CMC2: variants seen among roughly 807,000 people sequenced by gnomAD.
The protein encoded by CMC2 is C-X9-C motif containing 2, also known as COX assembly mitochondrial protein 2 homolog.
In CMC2, 5 loss-of-function variants were observed where a neutral mutation model predicts 7.5. That is an observed-to-expected ratio of 0.66 (90% CI 0.35 to 1.40). The LOEUF (loss-of-function observed/expected upper bound fraction) is 1.40, where lower values mean the gene tolerates loss of function less well. Ranked by LOEUF, CMC2 falls within the 40% of genes most tolerant of loss-of-function variation. The pLI, the probability that CMC2 is intolerant of heterozygous loss-of-function variation, is 0.04. For missense variants in CMC2, 115 were observed against 92.3 expected (o/e 1.25, Z -1.01); for synonymous variants, 37 against 31.4 (o/e 1.18, Z -0.60).
intron 2 of CMC2, among the ~76,000 whole-genome samples, chr16:80,987,344 C>T (rs762327142): frequency 5.9e-5 from 9 of 152,060 alleles, no homozygotes; most frequent in Non-Finnish European, 1.3e-4. Context: ...TGGAAAAACC[C>T]AGTACTTAGT....
In CMC2 at chr16:80,967,354, T is replaced by G. The variant is rs1911624423; in HGVS notation, c.*8739A>C. On this transcript the variant is annotated 3_prime_UTR_variant, in exon 4 of 4. Coordinates refer to ENST00000219400, the MANE Select transcript of CMC2 (RefSeq NM_020188.5). ...CGTTTTTTGTTTTGTTTTGTTTTGT[T>G]TTTTGAGACGGAGCTCGCCGTGTCG... The G allele has an allele frequency of 6.5e-6, 1 of 153,502 alleles. No homozygotes were observed. The highest frequency in any genetic ancestry group is 6.5e-5 in the Admixed American group (1 of 15,292). The allele number at this position is 153,502 out of a possible 1,614,324, so 9.5% of individuals were successfully genotyped here. A position where few individuals can be genotyped will look rare whatever the true frequency, so the allele number is the denominator to read the frequency against.
At chr16:80,993,826 T>G (rs999225959) in intron 2 of CMC2, among the ~76,000 whole-genome samples, 2 of 152,140 alleles carry the variant, frequency 1.3e-5, no homozygotes, top group Non-Finnish European at 2.9e-5. Flanking sequence ...GTAAACAAGT[T>G]TTTTGTAGAA....
In CMC2 at chr16:81,006,713, G is replaced by A. The variant is rs1969389464; in HGVS notation, c.-36+21C>T. 7.1e-6 allele frequency: 7 copies of A among 985,368 alleles called. No individual in the cohort carries two copies. In the South Asian group the frequency reaches 1.4e-4, roughly 20 times the overall value. The allele number at this position is 985,368 out of a possible 1,614,324, so 61.0% of individuals were successfully genotyped here. The stretch of plus-strand genomic sequence containing the variant: ...GGAACAACGGAACGCGTTCGGAACG[G>A]CCTGGACTCCCGAGACTCACCCGAC... On this transcript the variant is annotated intron_variant, in intron 1 of 3. Coordinates refer to ENST00000219400, the MANE Select transcript of CMC2 (RefSeq NM_020188.5).
Position 80,992,717 on chromosome 16 carries a change from T to G in CMC2, c.81+4597A>C, listed in dbSNP as rs201350619. ...CTTATTCCCCCTCCTTTTTTTTTTT[T>G]TTTTTGTGTAAAGACAGGGTCTCAC... is the stretch of plus-strand genomic sequence containing the variant. On this transcript the variant is annotated intron_variant, in intron 2 of 3. Coordinates refer to ENST00000219400, the MANE Select transcript of CMC2 (RefSeq NM_020188.5). Among the ~76,000 whole-genome samples the G allele has an allele frequency of 7.8e-4, 21 of 26,866 alleles. 1 individual carries two copies. Among genetic ancestry groups the G allele is most frequent in the South Asian group, 2.3e-3 (1 of 444 alleles). 17.6% of individuals were successfully genotyped at this position (26,866 alleles called of 152,430 possible).
At position 80,974,999 on chromosome 16, in the gene CMC2, G is replaced by A. The variant is rs149099110; in HGVS notation, c.*1094C>T. On this transcript the variant is annotated 3_prime_UTR_variant, in exon 4 of 4. Transcript: ENST00000219400. ...GGATATTATACACAGAACTCCACTA[G>A]AAGGAGCTCACAGCTGAGTCTGTTC... 26 of 152,280 alleles carry A rather than the reference G, an allele frequency of 1.7e-4. No individual in the cohort carries two copies. The East Asian group carries it at 4.2e-3, about 25-fold the overall frequency. 9.4% of individuals were successfully genotyped at this position (152,280 alleles called of 1,614,324 possible). A position where few individuals can be genotyped will look rare whatever the true frequency, so the allele number is the denominator to read the frequency against.
chr16:81,006,151 T>C (rs978220473), intron 1 of CMC2, among the ~76,000 whole-genome samples: 2 of 152,056 alleles, frequency 1.3e-5, no homozygotes, highest in Non-Finnish European at 2.9e-5. Context: ...GCCTGATCTT[T>C]AAACGCAAGA....
intron 2 of CMC2, chr16:80,996,842 A>T (rs1968456399): frequency 5.3e-6 from 1 of 187,426 alleles, no homozygotes; most frequent in Non-Finnish European, 1.2e-5. Context: ...TTTTACTTCC[A>T]TTCCACTAAC....
At position 80,997,443 on chromosome 16, in the gene CMC2, A is replaced by C; in HGVS notation, c.-35-14T>G. 7.3e-7 allele frequency: 1 copy of C among 1,370,844 alleles called. No individual in the cohort carries two copies. The highest frequency in any genetic ancestry group is 1.0e-6 in the Non-Finnish European group (1 of 959,520). 84.9% of individuals were successfully genotyped at this position (1,370,844 alleles called of 1,614,324 possible). A position where few individuals can be genotyped will look rare whatever the true frequency, so the allele number is the denominator to read the frequency against. ...CAGCAGTGCAACCTGTGGATACAAG[A>C]GTGTCTTGAATATGCATAAACACAT... On this transcript the variant is annotated splice_polypyrimidine_tract_variant and intron_variant, in intron 1 of 3. Transcript: ENST00000219400.
chr16:80,977,167 C>T (rs894851952), intron 3 of CMC2, among the ~76,000 whole-genome samples: 1 of 152,158 alleles, frequency 6.6e-6, no homozygotes, highest in Admixed American at 6.5e-5. Context: ...AGTTAACAAA[C>T]CTGATACTCC....
chr16:80,974,526 T>C lies in CMC2; in HGVS notation c.*1567A>G, dbSNP rs545177174. On this transcript the variant is annotated 3_prime_UTR_variant, in exon 4 of 4. Coordinates refer to ENST00000219400, the MANE Select transcript of CMC2 (RefSeq NM_020188.5). ...ACTCTAAGCTCCCATATTCTAGTCATGCTAAATGCCTTAAAGTGCGCCTCA... is the reference window on the plus strand; with the variant it reads ...ACTCTAAGCTCCCATATTCTAGTCACGCTAAATGCCTTAAAGTGCGCCTCA... 1.3e-5 allele frequency: 2 copies of C among 150,872 alleles called. No individual in the cohort carries two copies. The highest frequency in any genetic ancestry group is 5.0e-5 in the African/African-American group (2 of 40,176). The allele number at this position is 150,872 out of a possible 1,614,324, so 9.3% of individuals were successfully genotyped here. A position where few individuals can be genotyped will look rare whatever the true frequency, so the allele number is the denominator to read the frequency against.
chr16:80,999,097 A>C (rs1968649955), intron 1 of CMC2: 1 of 152,240 alleles, frequency 6.6e-6, no homozygotes, highest in African/African-American at 2.4e-5. Context: ...TAGCCAAAGC[A>C]ATCAGTCAAG....
chr16:80,988,809 T>G (rs1024536853), intron 2 of CMC2, among the ~76,000 whole-genome samples: 1 of 21,900 alleles, frequency 4.6e-5, no homozygotes, highest in African/African-American at 7.1e-5. Flanking sequence ...TTTTAGTCTT[T>G]TTTTTTTCCA....
At chr16:80,987,765 A>C (rs1205535235) in intron 2 of CMC2, among the ~76,000 whole-genome samples, 3 of 152,256 alleles carry the variant, frequency 2.0e-5, no homozygotes, top group African/African-American at 4.8e-5. Flanking sequence ...GCAGCATTCC[A>C]GCACAGACAG....
Position 80,969,464 on chromosome 16 carries a change from G to A in CMC2, c.*6629C>T, listed in dbSNP as rs910361692. The A allele has an allele frequency of 6.6e-6, 1 of 152,198 alleles. No individual in the cohort carries two copies. The highest frequency in any genetic ancestry group is 6.5e-5 in the Admixed American group (1 of 15,274). The allele number at this position is 152,198 out of a possible 1,614,324, so 9.4% of individuals were successfully genotyped here. A position where few individuals can be genotyped will look rare whatever the true frequency, so the allele number is the denominator to read the frequency against. On this transcript the variant is annotated 3_prime_UTR_variant, in exon 4 of 4. Coordinates refer to ENST00000219400, the MANE Select transcript of CMC2 (RefSeq NM_020188.5). Reference sequence around the variant, plus strand: ...ATGGGGCCCACAGGAAGGTCTGAAGGGGCTGGAACAATTTAGCATTAATGA... The same window carrying A: ...ATGGGGCCCACAGGAAGGTCTGAAGAGGCTGGAACAATTTAGCATTAATGA...
intron 2 of CMC2, chr16:80,991,802 A>C (rs1968015454): frequency 5.3e-6 from 2 of 375,524 alleles, no homozygotes; most frequent in Non-Finnish European, 1.1e-5. Flanking sequence ...AATTATGAGG[A>C]AAACAAGACA....
intron 1 of CMC2, chr16:80,997,656 A>G (rs1197858932): frequency 6.9e-6 from 2 of 288,116 alleles, no homozygotes; most frequent in Admixed American, 1.0e-4. Flanking sequence ...GGTTCAGGAG[A>G]AAAGCAGGAA....
chr16:80,998,089 C>T (rs1968568223), intron 1 of CMC2: 1 of 148,102 alleles, frequency 6.8e-6, no homozygotes, highest in Non-Finnish European at 1.5e-5. Flanking sequence ...GGAAAAACAT[C>T]ATGGGCAGCT....
rs1195276134 is a variant in CMC2, at chr16:80,972,395, G to A, written c.*3698C>T. The A allele has an allele frequency of 7.9e-5, 12 of 152,138 alleles. No homozygotes were observed. The highest frequency in any genetic ancestry group is 5.9e-5 in the Non-Finnish European group (4 of 68,036). The allele number at this position is 152,138 out of a possible 1,614,324, so 9.4% of individuals were successfully genotyped here. A position where few individuals can be genotyped will look rare whatever the true frequency, so the allele number is the denominator to read the frequency against. ...TTTTTTTTGTTTTTTTCTAAGAACAGAATGATTTGTATGTCTACCAGGCAG... is the reference window on the plus strand; with the variant it reads ...TTTTTTTTGTTTTTTTCTAAGAACAAAATGATTTGTATGTCTACCAGGCAG... On this transcript the variant is annotated 3_prime_UTR_variant, in exon 4 of 4. Transcript: ENST00000219400.
At chr16:80,990,474 G>T (rs1967895131) in intron 2 of CMC2, among the ~76,000 whole-genome samples, 1 of 151,872 alleles carries the variant, frequency 6.6e-6, no homozygotes, top group Admixed American at 6.6e-5. Flanking sequence ...CCGGCCAAAA[G>T]ATTTTGTAAA....
Sources: gnomAD v4.1 joint callset for allele counts (sites outside exome capture counted in the v4.1 genomes callset) on GRCh38, gnomAD v4.1.1 for gene constraint, MANE v1.5 for transcripts, NCBI Gene and HGNC (gene_info 2026-07-23, HGNC 2026-07-21) for gene names.